The following SV2C variants were observed in gnomAD, a reference collection of about 807,000 sequenced individuals.
SV2C encodes synaptic vesicle glycoprotein 2C, also known as solute carrier family 22 member B3.
In SV2C, 49 loss-of-function variants were observed where a neutral mutation model predicts 79.7. The observed-to-expected ratio is 0.61, with a 90% CI of 0.49 to 0.78. The LOEUF (loss-of-function observed/expected upper bound fraction) is 0.78. Ranked by LOEUF, SV2C falls within the 30% of genes least tolerant of loss-of-function variation. SV2C has a pLI of 0.00. For missense variants in SV2C, 833 were observed against 912.9 expected, an observed-to-expected ratio of 0.91 and a Z score of 1.13; for synonymous variants, 334 against 333.2, an observed-to-expected ratio of 1.00 and a Z score of -0.03.
chr5:75,929,526 A>G, the SV2C span, among the ~76,000 whole-genome samples: 1 of 152,046 alleles, frequency 6.6e-6, no homozygotes, highest in African/African-American at 2.4e-5. Flanking sequence ...GGTACATTAT[A>G]AAGATGCAGA....
intron 1 of SV2C, among the ~76,000 whole-genome samples, chr5:76,093,764 C>G (rs968831510): frequency 1.3e-5 from 2 of 151,972 alleles, no homozygotes; most frequent in Non-Finnish European, 2.9e-5. Context: ...ATTCTTATCA[C>G]AAGGCCAAGA....
At chr5:75,999,059 C>CA in the SV2C span, among the ~76,000 whole-genome samples, 1 of 151,908 alleles carries the variant, frequency 6.6e-6, no homozygotes, top group Non-Finnish European at 1.5e-5. Flanking sequence ...TAGTGGCAGG[C>CA]AAAAAATTAG....
chr5:75,921,229 A>C, the SV2C span: 1 of 1,256,600 alleles, frequency 8.0e-7, no homozygotes, highest in East Asian at 2.3e-5. Context: ...GGTCAGTGGG[A>C]CACTTCCCTT....
chr5:75,892,802 G>A, the SV2C span, among the ~76,000 whole-genome samples: 1 of 151,946 alleles, frequency 6.6e-6, no homozygotes, highest in South Asian at 2.1e-4. Flanking sequence ...CATGTATCAA[G>A]TGTTCTTTAT....
At chr5:76,003,563 C>T in the SV2C span, among the ~76,000 whole-genome samples, 1 of 152,070 alleles carries the variant, frequency 6.6e-6, no homozygotes, top group Non-Finnish European at 1.5e-5. Context: ...GTTTTGTGTG[C>T]TTGTAAGGCT....
the SV2C span, among the ~76,000 whole-genome samples, chr5:75,859,722 C>G: frequency 6.6e-6 from 1 of 152,104 alleles, no homozygotes; most frequent in Admixed American, 6.5e-5. Flanking sequence ...GGAGTATAAT[C>G]AAACATCTTG....
At chr5:76,252,825 A>G (rs1487006087) in intron 4 of SV2C, among the ~76,000 whole-genome samples, 2 of 152,242 alleles carry the variant, frequency 1.3e-5, no homozygotes, top group African/African-American at 4.8e-5. Context: ...CTATTATATG[A>G]GTAAGAATTA....
intron 2 of SV2C, among the ~76,000 whole-genome samples, chr5:76,152,986 T>C (rs764390649): frequency 7.9e-5 from 12 of 152,216 alleles, no homozygotes; most frequent in Non-Finnish European, 1.8e-4. Context: ...AGAAATAAAT[T>C]ATATAGCTGC....
chr5:76,158,437 G>C (rs1397138193), intron 2 of SV2C, among the ~76,000 whole-genome samples: 1 of 150,722 alleles, frequency 6.6e-6, no homozygotes, highest in African/African-American at 2.4e-5. Context: ...AAAAAAAAAA[G>C]TTACCAAAGG....
the SV2C span, among the ~76,000 whole-genome samples, chr5:76,033,873 C>T: frequency 6.6e-6 from 1 of 151,520 alleles, no homozygotes; most frequent in Non-Finnish European, 1.5e-5. Context: ...ATTCTTCCTA[C>T]CCATGAGCAT....
At chr5:76,054,197 T>C in the SV2C span, among the ~76,000 whole-genome samples, 1 of 152,138 alleles carries the variant, frequency 6.6e-6, no homozygotes, top group South Asian at 2.1e-4. Flanking sequence ...CCTGTATCCA[T>C]GTGTTCCCAT....
intron 4 of SV2C, among the ~76,000 whole-genome samples, chr5:76,256,462 A>C (rs1348765982): frequency 6.6e-6 from 1 of 152,148 alleles, no homozygotes; most frequent in Non-Finnish European, 1.5e-5. Flanking sequence ...GGGTGCCCTC[A>C]AGTGTTGGCT....
At chr5:76,097,549 A>G (rs1172552619) in intron 1 of SV2C, among the ~76,000 whole-genome samples, 3 of 152,198 alleles carry the variant, frequency 2.0e-5, no homozygotes, top group Admixed American at 1.3e-4. Context: ...TGGAACATAT[A>G]CATATTTTAA....
chr5:75,936,958 G>A, the SV2C span, among the ~76,000 whole-genome samples: 1 of 152,194 alleles, frequency 6.6e-6, no homozygotes, highest in Admixed American at 6.5e-5. Flanking sequence ...CTGAAACTGT[G>A]TAAAACCATC....
intron 4 of SV2C, among the ~76,000 whole-genome samples, chr5:76,281,958 A>C (rs888207111): frequency 1.3e-5 from 2 of 152,268 alleles, no homozygotes; most frequent in African/African-American, 4.8e-5. Flanking sequence ...ACAGATTAGG[A>C]TGAGGACATC....
chr5:75,873,145 T>C, the SV2C span, among the ~76,000 whole-genome samples: 3 of 152,150 alleles, frequency 2.0e-5, no homozygotes, highest in African/African-American at 7.2e-5. Flanking sequence ...TGGTAATCTA[T>C]GTAGTAAAGT....
intron 4 of SV2C, among the ~76,000 whole-genome samples, chr5:76,273,701 G>T (rs186066425): frequency 5.8e-4 from 89 of 152,320 alleles, no homozygotes; most frequent in African/African-American, 2.0e-3. Flanking sequence ...AGGTTGGCTT[G>T]TTGCTCGGGC....
intron 2 of SV2C, among the ~76,000 whole-genome samples, chr5:76,192,085 T>G (rs1216534801): frequency 6.6e-6 from 1 of 152,148 alleles, no homozygotes; most frequent in Non-Finnish European, 1.5e-5. Context: ...CTCTGTAGCC[T>G]TCATCTCCTC....
rs567373145 is a variant in SV2C, at chr5:76,223,866, G to A, written c.913+13979G>A. Among the ~76,000 whole-genome samples the A allele has an allele frequency of 4.6e-5, 7 of 152,140 alleles. No homozygotes were observed. The South Asian group carries it at 1.5e-3, about 32-fold the overall frequency. On this transcript the variant is annotated intron_variant, in intron 4 of 12. Transcript: ENST00000502798. ...GCTTGAAGTTCAAGATTAACATGTC[G>A]GCTGAGTTGGCTTCTGGCCACCTTC... is the stretch of plus-strand genomic sequence containing the variant.
Sources: gnomAD v4.1 joint callset for allele counts (sites outside exome capture counted in the v4.1 genomes callset) on GRCh38, gnomAD v4.1.1 for gene constraint, MANE v1.5 for transcripts, NCBI Gene and HGNC (gene_info 2026-07-23, HGNC 2026-07-21) for gene names.